LMX1A: variants seen among roughly 807,000 people sequenced by gnomAD.
LMX1A encodes LIM homeobox transcription factor 1 alpha, also known as LIM homeobox transcription factor 1-alpha.
Under a neutral mutation model 49.1 loss-of-function variants are expected in LMX1A, and 15 were observed. The observed-to-expected ratio is 0.31, with a 90% CI of 0.20 to 0.47. The LOEUF (loss-of-function observed/expected upper bound fraction) is 0.47. Ranked by LOEUF, LMX1A falls within the 20% of genes least tolerant of loss-of-function variation. LMX1A has a pLI of 1.00. For missense variants in LMX1A, 372 were observed against 475.8 expected, an observed-to-expected ratio of 0.78 and a Z score of 2.03; for synonymous variants, 167 against 185.7, an observed-to-expected ratio of 0.90 and a Z score of 0.82.
chr1:165,356,158 C>A (rs1396732278), intron 1 of LMX1A, 197 bp downstream of exon 1: 1 of 152,354 alleles, frequency 6.6e-6, no homozygotes. Context: ...TGTTGGGGTG[C>A]GCGCAGGAGC....
In LMX1A at chr1:165,203,998, G is replaced by C. The variant is rs1557845752; in HGVS notation, c.1031C>G (p.Ser344Cys). 6.2e-7 allele frequency: 1 copy of C among 1,614,040 alleles called. No homozygotes were observed. The highest frequency in any genetic ancestry group is 8.5e-7 in the Non-Finnish European group (1 of 1,180,026). The part of the protein sequence containing the change: ...LFHDLDSDDT[S>C]LSNLGDCFLA... ...GAAACAATCACCCAGGTTACTGAGG[G>C]AGGTGTCGTCGCTATCCAGGTCATG... The change falls in exon 9 of 9, where the codon TCC (serine) becomes TGC (cysteine). Residue 344 changes from serine to cysteine, a missense_variant. Ser to Cys is a moderately radical substitution (Grantham distance 112). Coordinates refer to ENST00000342310, the MANE Select transcript of LMX1A (RefSeq NM_177398.4).
At chr1:165,264,143 A>G (rs1653540937) in intron 3 of LMX1A, among the ~76,000 whole-genome samples, 1 of 152,136 alleles carries the variant, frequency 6.6e-6, no homozygotes, top group African/African-American at 2.4e-5. Context: ...GGACTGGGTA[A>G]AAATAAAAAA....
intron 3 of LMX1A, among the ~76,000 whole-genome samples, chr1:165,321,798 A>G (rs1317807520): frequency 6.6e-6 from 1 of 152,226 alleles, no homozygotes; most frequent in African/African-American, 2.4e-5. Context: ...ATCGAAAGAC[A>G]CAATCAAGAA....
intron 3 of LMX1A, among the ~76,000 whole-genome samples, chr1:165,258,937 A>T (rs964190992): frequency 2.4e-4 from 36 of 152,182 alleles, no homozygotes; most frequent in African/African-American, 8.4e-4. Flanking sequence ...TAAAAATGAG[A>T]TCATAACAAC....
At chr1:165,333,275 G>A (rs2001573) in intron 3 of LMX1A, among the ~76,000 whole-genome samples, 30,646 of 151,970 alleles carry the variant, frequency 0.2, 3,346 homozygotes, top group Non-Finnish European at 0.22. Context: ...CTCCTGCCTC[G>A]GCCTCCCGAG....
chr1:165,333,623 T>C (rs1369006296), intron 3 of LMX1A, among the ~76,000 whole-genome samples: 1 of 152,180 alleles, frequency 6.6e-6, no homozygotes, highest in African/African-American at 2.4e-5. Context: ...TTCTACACAG[T>C]TTTTCTCTAA....
At chr1:165,208,168 T>A (rs958380390) in intron 6 of LMX1A, 36 bp from the exon 7 acceptor site, 7 of 1,599,420 alleles carry the variant, frequency 4.4e-6, no homozygotes, top group African/African-American at 1.3e-5. Flanking sequence ...AGAAGTCAGG[T>A]GGCCTGCAGC....
chr1:165,222,477 G>C (rs1278469388), intron 4 of LMX1A, among the ~76,000 whole-genome samples: 1 of 152,188 alleles, frequency 6.6e-6, no homozygotes, highest in Non-Finnish European at 1.5e-5. Context: ...TTAATTACTA[G>C]TCTTTTGAAG....
At chr1:165,330,480 C>A (rs1057226427) in intron 3 of LMX1A, among the ~76,000 whole-genome samples, 7 of 152,164 alleles carry the variant, frequency 4.6e-5, no homozygotes, top group African/African-American at 1.7e-4. Flanking sequence ...CAAAAATAAA[C>A]AAATAAAAAT....
chr1:165,257,223 A>AC (rs1463257569), intron 3 of LMX1A, among the ~76,000 whole-genome samples: 1 of 152,024 alleles, frequency 6.6e-6, no homozygotes, highest in Non-Finnish European at 1.5e-5. Flanking sequence ...TTCTCTCCGT[A>AC]GGAGAGAACC....
In LMX1A at chr1:165,203,337, T is replaced by C. The variant is rs1650928481; in HGVS notation, c.*543A>G. The C allele has an allele frequency of 6.5e-6, 1 of 152,728 alleles. No individual in the cohort carries two copies. The allele number at this position is 152,728 out of a possible 1,614,324, so 9.5% of individuals were successfully genotyped here. On this transcript the variant is annotated 3_prime_UTR_variant, in exon 9 of 9. Transcript: ENST00000342310. ...ATAAAGTTTATAAAAGTAAATTATC[T>C]CATTTTATAACTTAAGTGCATCAAG...
At chr1:165,251,389 GT>G (rs1230972734) in intron 3 of LMX1A, among the ~76,000 whole-genome samples, 1 of 152,128 alleles carries the variant, frequency 6.6e-6, no homozygotes, top group Non-Finnish European at 1.5e-5. Flanking sequence ...GGCTTGAATG[GT>G]TTTTTAACAC....
intron 3 of LMX1A, among the ~76,000 whole-genome samples, chr1:165,290,688 C>T (rs778022288): frequency 3.9e-5 from 6 of 152,300 alleles, no homozygotes; most frequent in South Asian, 4.2e-4. Context: ...CCCTATTGTA[C>T]TCCCAAGGAA....
chr1:165,305,531 G>T (rs919298379), intron 3 of LMX1A, among the ~76,000 whole-genome samples: 1 of 152,180 alleles, frequency 6.6e-6, no homozygotes, highest in Admixed American at 6.5e-5. Flanking sequence ...AAAGCAAGAA[G>T]AGGGGCTAAG....
At chr1:165,335,294 T>C (rs1284837524) in intron 3 of LMX1A, among the ~76,000 whole-genome samples, 1 of 152,204 alleles carries the variant, frequency 6.6e-6, no homozygotes, top group African/African-American at 2.4e-5. Context: ...GACTTTGAAC[T>C]TTTATAAAAG....
intron 7 of LMX1A, among the ~76,000 whole-genome samples, chr1:165,207,061 G>A (rs887692509): frequency 6.6e-6 from 1 of 152,104 alleles, no homozygotes; most frequent in Non-Finnish European, 1.5e-5. Context: ...TTCAAAGTGT[G>A]GTCCACAGAC....
intron 3 of LMX1A, among the ~76,000 whole-genome samples, chr1:165,325,556 C>T (rs1326968147): frequency 6.6e-6 from 1 of 152,114 alleles, no homozygotes; most frequent in Admixed American, 6.5e-5. Flanking sequence ...GACAGCCCCA[C>T]AGTCCTTGGA....
At chr1:165,246,802 A>G (rs1342637719) in intron 4 of LMX1A, among the ~76,000 whole-genome samples, 2 of 110,128 alleles carry the variant, frequency 1.8e-5, no homozygotes, top group African/African-American at 7.3e-5. Context: ...CCATCCCCAC[A>G]TCATTCTTGT....
At chr1:165,325,585 C>A (rs1655553273) in intron 3 of LMX1A, among the ~76,000 whole-genome samples, 1 of 152,054 alleles carries the variant, frequency 6.6e-6, no homozygotes, top group South Asian at 2.1e-4. Context: ...AACAGAGCAT[C>A]CTCTTCTCAG....
Sources: allele counts gnomAD v4.1 joint callset (sites outside exome capture counted in the v4.1 genomes callset), GRCh38; gene constraint gnomAD v4.1.1; transcripts MANE v1.5; gene names NCBI Gene and HGNC (gene_info 2026-07-23, HGNC 2026-07-21).